SERPINB12: variants seen among roughly 807,000 people sequenced by gnomAD.
SERPINB12 encodes the protein serpin family B member 12, also known as serpin B12.
A neutral mutation model predicts 41.1 loss-of-function variants in SERPINB12; 57 were observed. The observed-to-expected ratio is 1.39, with a 90% CI of 1.12 to 1.73. SERPINB12 has a LOEUF of 1.73. Among genes scored for constraint, SERPINB12 ranks in the 40% most tolerant of loss-of-function variants. SERPINB12 has a pLI of 0.00. For missense variants in SERPINB12, 536 were observed against 501.9 expected (o/e 1.07, Z -0.65); for synonymous variants, 180 against 181.3 (o/e 0.99, Z 0.06).
chr18:63,559,519 G>T, intron 3 of SERPINB12, 59 bp from the exon 4 acceptor site: 4 of 1,544,308 alleles, frequency 2.6e-6, no homozygotes, highest in Admixed American at 3.5e-5. Flanking sequence ...ATCTTTTAGC[G>T]GTGTTTAGCT....
At chr18:63,524,938 C>T in the SERPINB12 span, among the ~76,000 whole-genome samples, 1 of 151,490 alleles carries the variant, frequency 6.6e-6, no homozygotes, top group Admixed American at 6.6e-5. Flanking sequence ...TTAGAAGAGA[C>T]AGGGTTTTGC....
intron 7 of SERPINB12, among the ~76,000 whole-genome samples, chr18:63,565,947 T>A (rs148230826): frequency 1.9e-3 from 292 of 152,324 alleles, no homozygotes; most frequent in African/African-American, 6.7e-3. Flanking sequence ...CTCTTACTCA[T>A]ACCATTTTTC....
chr18:63,546,174 G>C lies in SERPINB12; in HGVS notation c.-19+3682G>C, dbSNP rs147998312. Among the ~76,000 whole-genome samples, 280 of 152,276 alleles carry C rather than the reference G, an allele frequency of 1.8e-3. 1 individual carries two copies. The highest frequency in any genetic ancestry group is 3.4e-3 in the Middle Eastern group (1 of 294). On this transcript the variant is annotated intron_variant, in intron 1 of 7. Coordinates refer to ENST00000382768, the MANE Select transcript of SERPINB12 (RefSeq NM_001307928.2). ...AATATTGTTGTCTGACAACAAGTTAGAAAAGGAAGATAAAGGGCTCAGTAG... is the reference window on the plus strand; with the variant it reads ...AATATTGTTGTCTGACAACAAGTTACAAAAGGAAGATAAAGGGCTCAGTAG...
rs1335255563 is a variant in SERPINB12 at position 63,567,123 on chromosome 18, C to A, written c.*112C>A. 2 of 1,027,878 alleles carry A rather than the reference C, an allele frequency of 1.9e-6. No homozygotes were observed. Among genetic ancestry groups the A allele is most frequent in the Admixed American group, 5.2e-5 (2 of 38,198 alleles). The allele number at this position is 1,027,878 out of a possible 1,614,324, so 63.7% of individuals were successfully genotyped here. A position where few individuals can be genotyped will look rare whatever the true frequency, so the allele number is the denominator to read the frequency against. The stretch of plus-strand genomic sequence containing the variant: ...GTAATATCTAAAGCATCTCCTTCAT[C>A]CTCCAGCCATCGGCTTGTGCTTATC... On this transcript the variant is annotated 3_prime_UTR_variant, in exon 8 of 8. Coordinates refer to ENST00000382768, the MANE Select transcript of SERPINB12 (RefSeq NM_001307928.2).
rs747582920 is a variant in SERPINB12, at chr18:63,558,350, A to T, written c.169-2A>T. ...GAAAGACCCCATCCCGTTATCATGC[A>T]GGTACTACACTTCAACGAATTTTCC... is the stretch of plus-strand genomic sequence containing the variant. On this transcript the variant is annotated splice_acceptor_variant, in intron 2 of 7. Coordinates refer to ENST00000382768, the MANE Select transcript of SERPINB12 (RefSeq NM_001307928.2). LOFTEE classifies it high-confidence loss of function. 6.2e-7 allele frequency: 1 copy of T among 1,611,602 alleles called. No homozygotes were observed. The highest frequency in any genetic ancestry group is 8.5e-7 in the Non-Finnish European group (1 of 1,179,258).
chr18:63,536,731 G>A, the SERPINB12 span, among the ~76,000 whole-genome samples: 1 of 152,016 alleles, frequency 6.6e-6, no homozygotes, highest in Non-Finnish European at 1.5e-5. Flanking sequence ...TTGTGTGCTA[G>A]GTACTACATG....
the SERPINB12 span, among the ~76,000 whole-genome samples, chr18:63,533,038 G>A: frequency 6.6e-6 from 1 of 151,982 alleles, no homozygotes; most frequent in Non-Finnish European, 1.5e-5. Context: ...GAGTGCAGTG[G>A]CGCAATCTCA....
chr18:63,539,181 C>T (rs1271701732), upstream of SERPINB12, among the ~76,000 whole-genome samples: 1 of 152,084 alleles, frequency 6.6e-6, no homozygotes, highest in Non-Finnish European at 1.5e-5. Flanking sequence ...CTTGAGGTCT[C>T]CAGTAGCTAT....
intron 1 of SERPINB12, among the ~76,000 whole-genome samples, chr18:63,544,544 A>C (rs1218023567): frequency 6.6e-6 from 1 of 152,042 alleles, no homozygotes; most frequent in Non-Finnish European, 1.5e-5. Context: ...TCTGATTGCA[A>C]GTTTACTGCT....
chr18:63,528,626 C>T, the SERPINB12 span, among the ~76,000 whole-genome samples: 1 of 151,882 alleles, frequency 6.6e-6, no homozygotes, highest in East Asian at 1.9e-4. Context: ...GTGGCCAAAC[C>T]AAGATGAAAT....
At chr18:63,563,896 CA>C (rs72103593) in intron 5 of SERPINB12, 81 bp from the exon 6 acceptor site, 52,399 of 1,024,554 alleles carry the variant, frequency 0.051, 20 homozygotes, top group East Asian at 0.12. Flanking sequence ...AACTCTGTCT[CA>C]AAAAAAAAAA....
chr18:63,559,040 T>TTCTTTCTTTCTTTTTCTTTC (rs1555675617), intron 3 of SERPINB12, among the ~76,000 whole-genome samples: 1 of 27,690 alleles, frequency 3.6e-5, no homozygotes, highest in Non-Finnish European at 1.5e-4. Context: ...CTTTCTTTCT[T>TTCTTTCTTTCTTTTTCTTTC]TCTTTCTTTC....
At chr18:63,537,007 G>T in the SERPINB12 span, among the ~76,000 whole-genome samples, 3 of 151,866 alleles carry the variant, frequency 2.0e-5, no homozygotes, top group African/African-American at 7.3e-5. Flanking sequence ...AAAATAAAAA[G>T]TTAAAAATAA....
chr18:63,555,391 TG>T (rs1252414938), intron 1 of SERPINB12, among the ~76,000 whole-genome samples: 4 of 152,058 alleles, frequency 2.6e-5, no homozygotes, highest in African/African-American at 9.7e-5. Flanking sequence ...AAGAATGAGA[TG>T]GGATGATGTT....
chr18:63,556,712 C>A (rs765640309), intron 2 of SERPINB12, among the ~76,000 whole-genome samples: 1 of 152,194 alleles, frequency 6.6e-6, no homozygotes, highest in South Asian at 2.1e-4. Flanking sequence ...AATAAATATT[C>A]ATTAAGTACC....
At chr18:63,549,471 T>C (rs1910469013) in intron 1 of SERPINB12, among the ~76,000 whole-genome samples, 1 of 152,152 alleles carries the variant, frequency 6.6e-6, no homozygotes, top group Admixed American at 6.5e-5. Flanking sequence ...CTCTTTCCTA[T>C]ATAGCTATGG....
At chr18:63,526,858 A>G in the SERPINB12 span, among the ~76,000 whole-genome samples, 5 of 152,184 alleles carry the variant, frequency 3.3e-5, no homozygotes, top group Non-Finnish European at 7.3e-5. Flanking sequence ...GAGTGTATTT[A>G]CATGAACCTA....
the SERPINB12 span, among the ~76,000 whole-genome samples, chr18:63,536,299 C>T: frequency 1.3e-5 from 2 of 151,662 alleles, no homozygotes; most frequent in African/African-American, 4.8e-5. Flanking sequence ...AGAACATTTA[C>T]AATAGGTACA....
chr18:63,558,416 A>G lies in SERPINB12; in HGVS notation c.233A>G (p.Asn78Ser), dbSNP rs747489020. The G allele has an allele frequency of 3.1e-6, 5 of 1,613,996 alleles. No individual in the cohort carries two copies. In the South Asian group the frequency reaches 3.3e-5, roughly 11 times the overall value. The part of the protein sequence containing the change: ...SKEPDPCLKS[N>S]KQKVLADSSL... ...GAACCTGACCCTTGTCTGAAAAGCA[A>G]CAAACAAAAAGTGCTGGCTGACAGC... Residue 78 changes from asparagine (N) to serine (S), a missense_variant, in exon 3 of 8, where the codon AAC becomes AGC. Physicochemically the swap from Asn to Ser is conservative, Grantham distance 46. Transcript: ENST00000382768.
Sources: allele counts gnomAD v4.1 joint callset (sites outside exome capture counted in the v4.1 genomes callset), GRCh38; gene constraint gnomAD v4.1.1; transcripts MANE v1.5; gene names NCBI Gene and HGNC (gene_info 2026-07-23, HGNC 2026-07-21).